Variants in FHIT observed in about 807,000 individuals in gnomAD.
The protein encoded by FHIT is bis(5'-adenosyl)-triphosphatase.
In FHIT, 19 loss-of-function variants were observed where a neutral mutation model predicts 17.9. That is an observed-to-expected ratio of 1.06 (90% confidence interval 0.74 to 1.56). The LOEUF is 1.56. FHIT is among the 40% of genes most tolerant of loss of function. FHIT has a pLI of 0.00. For missense variants in FHIT, 248 were observed against 189.2 expected (o/e 1.31, Z -1.82); for synonymous variants, 81 against 69.7 (o/e 1.16, Z -0.81).
intron 5 of FHIT, among the ~76,000 whole-genome samples, chr3:60,409,171 T>A (rs1374793837): frequency 6.6e-6 from 1 of 152,214 alleles, no homozygotes. Flanking sequence ...AAGCCCAAAG[T>A]TCTTTTACTT....
intron 4 of FHIT, among the ~76,000 whole-genome samples, chr3:60,590,624 C>A (rs868929876): frequency 2.0e-5 from 3 of 152,128 alleles, no homozygotes; most frequent in South Asian, 4.1e-4. Context: ...AGCCAATCAA[C>A]AAATATTTAT....
At chr3:60,814,923 T>C (rs1461650927) in intron 4 of FHIT, among the ~76,000 whole-genome samples, 2 of 150,794 alleles carry the variant, frequency 1.3e-5, no homozygotes, top group Non-Finnish European at 3.0e-5. Flanking sequence ...TTTTTTTTTT[T>C]ACTTTAGCCA....
intron 5 of FHIT, among the ~76,000 whole-genome samples, chr3:60,480,052 T>C (rs773535593): frequency 1.3e-5 from 2 of 152,134 alleles, no homozygotes; most frequent in African/African-American, 4.8e-5. Flanking sequence ...GAGAAGAGGC[T>C]TAATTGACTC....
intron 5 of FHIT, among the ~76,000 whole-genome samples, chr3:60,272,843 C>T (rs1208140859): frequency 6.6e-6 from 1 of 152,204 alleles, no homozygotes; most frequent in Non-Finnish European, 1.5e-5. Flanking sequence ...GAGAATGAAA[C>T]ATGATAGCTC....
chr3:60,615,758 G>T (rs190398375), intron 4 of FHIT, among the ~76,000 whole-genome samples: 14 of 152,280 alleles, frequency 9.2e-5, no homozygotes, highest in Non-Finnish European at 8.8e-5. Context: ...ACATTTTGTA[G>T]AAGTCTTATT....
chr3:60,351,963 A>T (rs745782501), intron 5 of FHIT, among the ~76,000 whole-genome samples: 7 of 152,196 alleles, frequency 4.6e-5, no homozygotes, highest in Non-Finnish European at 7.4e-5. Context: ...ATAGCTTGCT[A>T]ACATCCTGTG....
intron 2 of FHIT, among the ~76,000 whole-genome samples, chr3:61,127,919 T>C (rs888828712): frequency 6.6e-6 from 1 of 152,116 alleles, no homozygotes; most frequent in African/African-American, 2.4e-5. Flanking sequence ...GCTCTACACA[T>C]CTACACATAG....
intron 5 of FHIT, among the ~76,000 whole-genome samples, chr3:60,066,131 G>A (rs560400928): frequency 6.6e-6 from 1 of 152,248 alleles, no homozygotes; most frequent in Non-Finnish European, 1.5e-5. Context: ...CACAGTCTAG[G>A]ATGGGATGGT....
At chr3:60,327,892 G>A (rs1307187612) in intron 5 of FHIT, among the ~76,000 whole-genome samples, 2 of 152,130 alleles carry the variant, frequency 1.3e-5, no homozygotes, top group African/African-American at 4.8e-5. Context: ...AAACAAGAAG[G>A]GAGGTGGAGG....
intron 5 of FHIT, among the ~76,000 whole-genome samples, chr3:60,234,423 C>T (rs142177089): frequency 1.3e-5 from 2 of 152,294 alleles, no homozygotes; most frequent in African/African-American, 4.8e-5. Context: ...TATATCCATA[C>T]ACAATACATG....
At chr3:60,352,512 T>G (rs1191396176) in intron 5 of FHIT, among the ~76,000 whole-genome samples, 1 of 152,132 alleles carries the variant, frequency 6.6e-6, no homozygotes, top group East Asian at 1.9e-4. Context: ...TTTAAAATTT[T>G]TTTTTAAGAG....
chr3:60,860,365 C>T (rs546188567), intron 3 of FHIT, among the ~76,000 whole-genome samples: 915 of 144,502 alleles, frequency 6.3e-3, no homozygotes, highest in African/African-American at 0.024. Flanking sequence ...ACATGACATA[C>T]ATCATATGTA....
intron 5 of FHIT, among the ~76,000 whole-genome samples, chr3:60,231,711 T>C (rs1704504384): frequency 1.3e-5 from 2 of 152,184 alleles, no homozygotes; most frequent in Non-Finnish European, 2.9e-5. Flanking sequence ...AGCTTATCAG[T>C]AAAGTATTAT....
chr3:60,160,057 G>T (rs1700871031), intron 5 of FHIT, among the ~76,000 whole-genome samples: 2 of 152,034 alleles, frequency 1.3e-5, no homozygotes, highest in African/African-American at 4.8e-5. Flanking sequence ...AAATCTTTCG[G>T]GGCAAATTTT....
intron 4 of FHIT, among the ~76,000 whole-genome samples, chr3:60,673,786 T>G (rs891854092): frequency 6.6e-6 from 1 of 152,192 alleles, no homozygotes; most frequent in Non-Finnish European, 1.5e-5. Flanking sequence ...CTTACTGTTG[T>G]TCTCCTATAT....
chr3:60,071,863 G>A (rs76222963), intron 5 of FHIT, among the ~76,000 whole-genome samples: 1 of 152,166 alleles, frequency 6.6e-6, no homozygotes, highest in Non-Finnish European at 1.5e-5. Flanking sequence ...AGTCTAATGA[G>A]ATCTGATGGT....
intron 3 of FHIT, among the ~76,000 whole-genome samples, chr3:60,952,102 G>A (rs1708910246): frequency 6.6e-6 from 1 of 151,656 alleles, no homozygotes; most frequent in African/African-American, 2.4e-5. Flanking sequence ...GGAGGCAGAG[G>A]TTGGTGAGCT....
chr3:60,376,864 G>A (rs1377359151), intron 5 of FHIT, among the ~76,000 whole-genome samples: 5 of 152,240 alleles, frequency 3.3e-5, no homozygotes, highest in African/African-American at 9.6e-5. Context: ...TGGAAATGGT[G>A]GCATAGAGAA....
At chr3:60,532,138 T>C (rs2107589163) in intron 5 of FHIT, among the ~76,000 whole-genome samples, 1 of 152,298 alleles carries the variant, frequency 6.6e-6, no homozygotes, top group South Asian at 2.1e-4. Context: ...TGACGTATGA[T>C]TTGTAGAATA....
Sources: gnomAD v4.1 joint callset for allele counts (sites outside exome capture counted in the v4.1 genomes callset) on GRCh38, gnomAD v4.1.1 for gene constraint, MANE v1.5 for transcripts, NCBI Gene and HGNC (gene_info 2026-07-23, HGNC 2026-07-21) for gene names.